The following TSHZ2 variants were observed in gnomAD, a reference collection of about 807,000 sequenced individuals.
TSHZ2 encodes the protein teashirt homolog 2.
In TSHZ2, 21 loss-of-function variants were observed where a neutral mutation model predicts 74.4. The observed-to-expected ratio is 0.28, with a 90% confidence interval of 0.20 to 0.41. The LOEUF is 0.41. Among genes scored for constraint, TSHZ2 ranks in the 10% least tolerant of loss-of-function variants. The pLI, the probability that TSHZ2 is intolerant of heterozygous loss-of-function variation, is 1.00. For synonymous variants in TSHZ2, 540 were observed against 515.3 expected (o/e 1.05, Z -0.65); for missense variants, 1,244 against 1,293.5 (o/e 0.96, Z 0.59).
chr20:53,014,420 T>C (rs545362835), intron 1 of TSHZ2, among the ~76,000 whole-genome samples: 1 of 152,182 alleles, frequency 6.6e-6, no homozygotes, highest in South Asian at 2.1e-4. Flanking sequence ...TTAGAAAAAT[T>C]CCCTACATGT....
At chr20:53,000,717 A>T (rs959248399) in intron 1 of TSHZ2, among the ~76,000 whole-genome samples, 7 of 152,204 alleles carry the variant, frequency 4.6e-5, no homozygotes, top group Non-Finnish European at 8.8e-5. Flanking sequence ...TGGATGAGAA[A>T]GATAGGAGAT....
At chr20:53,434,016 A>C (rs1983948202) in intron 2 of TSHZ2, among the ~76,000 whole-genome samples, 1 of 152,090 alleles carries the variant, frequency 6.6e-6, no homozygotes, top group African/African-American at 2.4e-5. Context: ...CTACAGGCAC[A>C]TGCCACCATG....
At chr20:53,380,931 TACTATAGTAATG>T (rs1981835941) in intron 2 of TSHZ2, among the ~76,000 whole-genome samples, 1 of 152,222 alleles carries the variant, frequency 6.6e-6, no homozygotes, top group Admixed American at 6.5e-5. Flanking sequence ...AGAAAATAGA[TACTATAGTAATG>T]ACTATGCTGG....
At chr20:52,973,788 G>C (rs1282959833) in intron 1 of TSHZ2, among the ~76,000 whole-genome samples, 1 of 152,110 alleles carries the variant, frequency 6.6e-6, no homozygotes, top group Non-Finnish European at 1.5e-5. Flanking sequence ...CCTAACACTC[G>C]GGCTGCAGGC....
intron 2 of TSHZ2, among the ~76,000 whole-genome samples, chr20:53,471,283 A>AAGAT (rs1259897167): frequency 1.3e-5 from 2 of 152,134 alleles, no homozygotes; most frequent in Admixed American, 6.6e-5. Flanking sequence ...CATGTTAGAA[A>AAGAT]AGATAGGCTT....
At chr20:52,986,352 C>T (rs1283322495) in intron 1 of TSHZ2, among the ~76,000 whole-genome samples, 1 of 142,594 alleles carries the variant, frequency 7.0e-6, no homozygotes, top group Non-Finnish European at 1.5e-5. Flanking sequence ...CAGTGAGAGC[C>T]GAGATTATGC....
intron 1 of TSHZ2, among the ~76,000 whole-genome samples, chr20:53,063,320 C>G (rs1984878556): frequency 6.6e-6 from 1 of 152,126 alleles, no homozygotes; most frequent in East Asian, 1.9e-4. Flanking sequence ...TGCACTTAAC[C>G]AAACATTTCC....
intron 1 of TSHZ2, among the ~76,000 whole-genome samples, chr20:53,156,603 C>T (rs925509368): frequency 6.6e-6 from 1 of 152,204 alleles, no homozygotes; most frequent in Non-Finnish European, 1.5e-5. Context: ...CAGCAAATGT[C>T]AGGACTAAAA....
At chr20:53,051,907 G>A (rs535790667) in intron 1 of TSHZ2, among the ~76,000 whole-genome samples, 25 of 152,342 alleles carry the variant, frequency 1.6e-4, no homozygotes, top group Non-Finnish European at 3.5e-4. Context: ...TGTGAAAACC[G>A]AGGCAGCTGT....
chr20:53,470,899 G>A (rs1337413203), intron 2 of TSHZ2, among the ~76,000 whole-genome samples: 1 of 152,126 alleles, frequency 6.6e-6, no homozygotes, highest in African/African-American at 2.4e-5. Flanking sequence ...TAAATTAGGA[G>A]TCATGTGTCC....
At chr20:53,072,279 T>G (rs1427306486) in intron 1 of TSHZ2, among the ~76,000 whole-genome samples, 1 of 152,218 alleles carries the variant, frequency 6.6e-6, no homozygotes, top group Non-Finnish European at 1.5e-5. Flanking sequence ...TCCCATGTTT[T>G]TGGCTTCTTT....
chr20:53,195,030 C>A (rs1022871180), intron 1 of TSHZ2, among the ~76,000 whole-genome samples: 1 of 152,104 alleles, frequency 6.6e-6, no homozygotes, highest in Non-Finnish European at 1.5e-5. Context: ...CCTTTGTCAC[C>A]TTCGGGAAGG....
intron 1 of TSHZ2, among the ~76,000 whole-genome samples, chr20:52,988,080 G>A (rs1350368061): frequency 6.6e-6 from 1 of 151,632 alleles, no homozygotes; most frequent in African/African-American, 2.4e-5. Flanking sequence ...AGACTTCCAA[G>A]CCCTTTCTAT....
chr20:53,302,034 G>A (rs1424175209), intron 2 of TSHZ2, among the ~76,000 whole-genome samples: 6 of 152,182 alleles, frequency 3.9e-5, no homozygotes, highest in African/African-American at 1.4e-4. Context: ...ATTTCGCACT[G>A]GCAAGTGGTA....
At chr20:53,352,961 T>C (rs1445114767) in intron 2 of TSHZ2, among the ~76,000 whole-genome samples, 4 of 152,172 alleles carry the variant, frequency 2.6e-5, no homozygotes, top group Non-Finnish European at 5.9e-5. Context: ...TCTGCTTATA[T>C]ATATTTGCTT....
intron 1 of TSHZ2, among the ~76,000 whole-genome samples, chr20:53,227,580 G>GT (rs1201079087): frequency 6.6e-6 from 1 of 151,946 alleles, no homozygotes; most frequent in Non-Finnish European, 1.5e-5. Context: ...CTTATCTGCA[G>GT]TTTTATACAG....
intron 1 of TSHZ2, among the ~76,000 whole-genome samples, chr20:53,162,050 C>T: frequency 6.6e-6 from 1 of 152,206 alleles, no homozygotes; most frequent in East Asian, 1.9e-4. Context: ...CAACCCTTGT[C>T]ATCTGCCTCC....
intron 1 of TSHZ2, among the ~76,000 whole-genome samples, chr20:53,053,704 G>A (rs1984553683): frequency 6.6e-6 from 1 of 152,106 alleles, no homozygotes; most frequent in African/African-American, 2.4e-5. Flanking sequence ...AAGACTCTTT[G>A]GAAATAGCGC....
chr20:53,176,571 A>G (rs1177909498), intron 1 of TSHZ2, among the ~76,000 whole-genome samples: 1 of 152,204 alleles, frequency 6.6e-6, no homozygotes, highest in African/African-American at 2.4e-5. Flanking sequence ...GTACTGGTGC[A>G]AAACTCCCTA....
Sources: allele counts gnomAD v4.1 joint callset (sites outside exome capture counted in the v4.1 genomes callset), GRCh38; gene constraint gnomAD v4.1.1; transcripts MANE v1.5; gene names NCBI Gene and HGNC (gene_info 2026-07-23, HGNC 2026-07-21).